RTN4: variants seen among roughly 807,000 people sequenced by gnomAD.
The protein encoded by RTN4 is reticulon-4.
A neutral mutation model predicts 90.4 loss-of-function variants in RTN4; 32 were observed. The observed-to-expected ratio is 0.35, with a 90% CI of 0.27 to 0.48. The LOEUF is 0.48. Among genes scored for constraint, RTN4 ranks in the 20% least tolerant of loss-of-function variants. RTN4 has a pLI of 0.99. For synonymous variants in RTN4, 629 were observed against 552.5 expected (o/e 1.14, Z -1.94); for missense variants, 1,706 against 1,430.2 (o/e 1.19, Z -3.11).
chr2:55,052,630 T>G (rs1330345943), upstream of RTN4, among the ~76,000 whole-genome samples: 3 of 152,148 alleles, frequency 2.0e-5, no homozygotes, highest in East Asian at 5.8e-4. Context: ...CCAAATGAAT[T>G]TAAACAAAAC....
chr2:55,047,208 T>C (rs556647052), intron 1 of RTN4, among the ~76,000 whole-genome samples: 61 of 151,670 alleles, frequency 4.0e-4, no homozygotes, highest in Non-Finnish European at 8.1e-4. Flanking sequence ...CAGGCGCCTG[T>C]AATCCCAGCT....
At chr2:55,020,171 C>A in intron 3 of RTN4, among the ~76,000 whole-genome samples, 1 of 152,012 alleles carries the variant, frequency 6.6e-6, no homozygotes, top group Non-Finnish European at 1.5e-5. Flanking sequence ...AATAAAATAC[C>A]AATGACCTTC....
chr2:55,058,986 G>A (rs1220659991), intron 2 of RTN4, among the ~76,000 whole-genome samples: 1 of 152,062 alleles, frequency 6.6e-6, no homozygotes, highest in Non-Finnish European at 1.5e-5. Context: ...TGGGATTACA[G>A]GCATGAGCCA....
intron 1 of RTN4, among the ~76,000 whole-genome samples, chr2:55,108,631 A>G (rs1667984912): frequency 6.6e-6 from 1 of 152,126 alleles, no homozygotes; most frequent in Non-Finnish European, 1.5e-5. Flanking sequence ...ATTTGGAAAT[A>G]AGAAGCCACA....
upstream of RTN4, among the ~76,000 whole-genome samples, chr2:55,116,048 C>T (rs1248418250): frequency 6.7e-6 from 1 of 149,964 alleles, no homozygotes; most frequent in African/African-American, 2.5e-5. Context: ...TTGTGAGAGA[C>T]AACCCCAAAA....
chr2:55,131,436 G>A, the RTN4 span, among the ~76,000 whole-genome samples: 6 of 151,744 alleles, frequency 4.0e-5, no homozygotes, highest in African/African-American at 1.5e-4. Flanking sequence ...CCTAACTCCT[G>A]GAATCAAGTG....
intron 3 of RTN4, among the ~76,000 whole-genome samples, chr2:55,003,876 G>A (rs955336004): frequency 6.6e-6 from 1 of 152,122 alleles, no homozygotes; most frequent in Non-Finnish European, 1.5e-5. Context: ...TATAAGAGAC[G>A]TGGGCATCTG....
chr2:55,059,146 T>C (rs1360778973), intron 2 of RTN4, among the ~76,000 whole-genome samples: 1 of 152,144 alleles, frequency 6.6e-6, no homozygotes, highest in Non-Finnish European at 1.5e-5. Flanking sequence ...ACCCAGCCTA[T>C]GACAAGGTAT....
chr2:55,027,964 T>TTC (rs1256562824), intron 2 of RTN4, among the ~76,000 whole-genome samples, 200 bp downstream of exon 2: 1 of 152,220 alleles, frequency 6.6e-6, no homozygotes, highest in African/African-American at 2.4e-5. Flanking sequence ...CCTTATGTAC[T>TTC]TCCAAGTATT....
rs193001368 is a variant in RTN4, at chr2:55,049,086, C to A, written c.556+659G>T. 1.1e-3 allele frequency: 1,065 copies of A among 985,576 alleles called. 7 individuals carry two copies. The African/African-American group carries it at 0.018, about 16-fold the overall frequency. The allele number at this position is 985,576 out of a possible 1,614,324, so 61.1% of individuals were successfully genotyped here. A position where few individuals can be genotyped will look rare whatever the true frequency, so the allele number is the denominator to read the frequency against. ...GCGGTGGCAGGACTTTACCAGAACTCTCTCCTTCCCATTTCTCCACGCACC... is the reference window on the plus strand; with the variant it reads ...GCGGTGGCAGGACTTTACCAGAACTATCTCCTTCCCATTTCTCCACGCACC... On this transcript the variant is annotated intron_variant, in intron 1 of 8. Transcript: ENST00000337526.
the RTN4 span, among the ~76,000 whole-genome samples, chr2:55,120,358 C>T: frequency 4.6e-5 from 7 of 152,266 alleles, no homozygotes; most frequent in Admixed American, 1.3e-4. Context: ...AAACTCCTGG[C>T]TGGGCACCCT....
upstream of RTN4, among the ~76,000 whole-genome samples, chr2:55,116,880 T>TA (rs1462779212): frequency 6.7e-6 from 1 of 148,366 alleles, no homozygotes; most frequent in Non-Finnish European, 1.5e-5. Context: ...TTTTCCTTTT[T>TA]TTTTTTTTTT....
At chr2:55,013,987 A>G (rs1326377389) in intron 3 of RTN4, among the ~76,000 whole-genome samples, 1 of 152,244 alleles carries the variant, frequency 6.6e-6, no homozygotes, top group Admixed American at 6.5e-5. Context: ...TTTTTAAAAA[A>G]TAAGAAACAA....
chr2:55,100,173 C>A (rs1247974102), intron 1 of RTN4, among the ~76,000 whole-genome samples: 4 of 152,080 alleles, frequency 2.6e-5, no homozygotes, highest in Non-Finnish European at 5.9e-5. Context: ...GTACTTTCTG[C>A]TTTTTATACT....
At chr2:55,126,022 C>T in the RTN4 span, among the ~76,000 whole-genome samples, 1 of 144,536 alleles carries the variant, frequency 6.9e-6, no homozygotes, top group Non-Finnish European at 1.5e-5. Context: ...GATCACGCCA[C>T]TGCACTCCAG....
chr2:55,088,088 C>A (rs17046665), intron 1 of RTN4, among the ~76,000 whole-genome samples: 232 of 152,320 alleles, frequency 1.5e-3, no homozygotes, highest in African/African-American at 5.4e-3. Flanking sequence ...AGGAATGTTG[C>A]CTCAGTGCCT....
At chr2:55,015,351 G>A (rs1423471631) in intron 3 of RTN4, among the ~76,000 whole-genome samples, 1 of 152,156 alleles carries the variant, frequency 6.6e-6, no homozygotes, top group African/African-American at 2.4e-5. Context: ...ATTTTAAATA[G>A]ATCAGAACTA....
Position 55,025,830 on chromosome 2 carries a change from G to A in RTN4, c.2269C>T (p.Pro757Ser). The A allele has an allele frequency of 6.2e-7, 1 of 1,613,624 alleles. No homozygotes were observed. Among genetic ancestry groups the A allele is most frequent in the Non-Finnish European group, 8.5e-7 (1 of 1,179,800 alleles). Residue 757 changes from proline to serine, a missense_variant, in exon 3 of 9, where the codon CCA becomes TCA. Coordinates refer to ENST00000337526, the MANE Select transcript of RTN4 (RefSeq NM_020532.5). Reference protein sequence around the residue: ...LFSDDSIPDVPQKQDETVMLV... With the variant: ...LFSDDSIPDVSQKQDETVMLV... ...ATCACAGTTTCATCTTGTTTTTGTG[G>A]AACGTCAGGTATTGAATCATCACTA...
chr2:55,057,510 A>T (rs910908673), intron 2 of RTN4, among the ~76,000 whole-genome samples: 1 of 152,186 alleles, frequency 6.6e-6, no homozygotes, highest in African/African-American at 2.4e-5. Context: ...TATTATTGCT[A>T]CTATTAGAGC....
Sources: allele counts gnomAD v4.1 joint callset (sites outside exome capture counted in the v4.1 genomes callset), GRCh38; gene constraint gnomAD v4.1.1; transcripts MANE v1.5; gene names NCBI Gene and HGNC (gene_info 2026-07-23, HGNC 2026-07-21).